The following DEAF1 variants were observed in gnomAD, a reference collection of about 807,000 sequenced individuals.
DEAF1 encodes the protein DEAF1 transcription factor, also known as deformed epidermal autoregulatory factor 1 homolog.
Under a neutral mutation model 58.9 loss-of-function variants are expected in DEAF1, and 53 were observed. The observed-to-expected ratio is 0.90, with a 90% CI of 0.72 to 1.13. DEAF1 has a LOEUF of 1.13. Ranked by LOEUF, DEAF1 falls within the 50% of genes most tolerant of loss-of-function variation. The pLI, the probability that DEAF1 is intolerant of heterozygous loss-of-function variation, is 0.00. For synonymous variants in DEAF1, 385 were observed against 340.4 expected (o/e 1.13, Z -1.44); for missense variants, 685 against 791.4 (o/e 0.87, Z 1.61).
chr11:660,012 C>G (rs1274644109), intron 10 of DEAF1, among the ~76,000 whole-genome samples: 1 of 152,220 alleles, frequency 6.6e-6, no homozygotes, highest in African/African-American at 2.4e-5. Context: ...GCTGTGCACC[C>G]TTGAGGTCTG....
chr11:674,454 G>C (rs11246258), intron 10 of DEAF1, 82 bp downstream of exon 10: 15 of 1,598,896 alleles, frequency 9.4e-6, no homozygotes, highest in Non-Finnish European at 1.1e-5. Context: ...CCAAGGTGGG[G>C]CTTGCGCAGC....
intron 6 of DEAF1, among the ~76,000 whole-genome samples, chr11:681,784 A>G (rs1222730688): frequency 6.6e-6 from 1 of 151,956 alleles, no homozygotes; most frequent in East Asian, 1.9e-4. Flanking sequence ...CAGACCTTCC[A>G]TGCAATCTCT....
At chr11:678,396 C>T (rs1860175733) in intron 9 of DEAF1, 1 of 388,254 alleles carries the variant, frequency 2.6e-6, no homozygotes, top group Non-Finnish European at 4.9e-6. Context: ...AAGAGGACAA[C>T]AGCAAACTCA....
intron 10 of DEAF1, among the ~76,000 whole-genome samples, chr11:656,843 T>C (rs558157067): frequency 6.6e-5 from 10 of 152,126 alleles, no homozygotes; most frequent in Admixed American, 1.3e-4. Flanking sequence ...CTTGGGCCTT[T>C]CGCGGTATGC....
At chr11:668,287 T>C (rs183431972) in intron 10 of DEAF1, among the ~76,000 whole-genome samples, 1 of 152,302 alleles carries the variant, frequency 6.6e-6, no homozygotes, top group Admixed American at 6.5e-5. Flanking sequence ...AAACAAGATT[T>C]GGACCACACT....
chr11:647,841 G>A (rs574376989), intron 11 of DEAF1, among the ~76,000 whole-genome samples: 35 of 150,578 alleles, frequency 2.3e-4, no homozygotes, highest in African/African-American at 5.6e-4. Context: ...TGACCCAGGC[G>A]GTGCTGGGAG....
At chr11:674,887 G>A (rs1859988505) in intron 9 of DEAF1, 104 bp from the exon 10 acceptor site, 5 of 1,505,666 alleles carry the variant, frequency 3.3e-6, no homozygotes, top group Admixed American at 1.7e-5. Flanking sequence ...GCTCACGCCT[G>A]TAATCCCAGC....
At chr11:700,588 T>G in intron 1 of DEAF1, 1 of 1,594,324 alleles carries the variant, frequency 6.3e-7, no homozygotes, top group Non-Finnish European at 8.6e-7. Context: ...AGGTTACTTA[T>G]GTTCCGTCCG....
chr11:668,682 C>T (rs965621523), intron 10 of DEAF1, among the ~76,000 whole-genome samples: 3 of 152,102 alleles, frequency 2.0e-5, no homozygotes, highest in African/African-American at 7.2e-5. Flanking sequence ...ATTAGCCAAG[C>T]ATGGTGGCAC....
intron 8 of DEAF1, among the ~76,000 whole-genome samples, chr11:679,434 C>T (rs557891535): frequency 6.6e-6 from 1 of 152,336 alleles, no homozygotes; most frequent in Non-Finnish European, 1.5e-5. Context: ...AAGCAGGAGC[C>T]GGCAGACAGA....
chr11:656,054 G>A (rs1260930738), intron 10 of DEAF1, among the ~76,000 whole-genome samples: 5 of 151,738 alleles, frequency 3.3e-5, no homozygotes, highest in Non-Finnish European at 5.9e-5. Flanking sequence ...GGCTGGTCTC[G>A]AGCTCCTGAC....
chr11:685,004 C>T, intron 5 of DEAF1, 41 bp from the exon 6 acceptor site: 2 of 1,479,820 alleles, frequency 1.4e-6, no homozygotes, highest in South Asian at 2.4e-5. Flanking sequence ...GCAAGTCAGC[C>T]CCTAAATGTC....
intron 7 of DEAF1, chr11:680,153 C>A (rs980847182): frequency 1.1e-5 from 4 of 360,316 alleles, no homozygotes; most frequent in African/African-American, 2.1e-5. Flanking sequence ...AAGAAAAAAT[C>A]TTTAATCCAA....
chr11:683,403 A>G (rs9328566), intron 6 of DEAF1, among the ~76,000 whole-genome samples: 107,617 of 152,012 alleles, frequency 0.71, 38,291 homozygotes, highest in East Asian at 0.93. Context: ...ACGTCCTGTC[A>G]CTCCAAGGCC....
chr11:688,797 A>C lies in DEAF1; in HGVS notation c.388-337T>G, dbSNP rs954670686. On this transcript the variant is annotated intron_variant, in intron 2 of 11. Coordinates refer to ENST00000382409, the MANE Select transcript of DEAF1 (RefSeq NM_021008.4). The surrounding 1 kb of genome is among the most constrained non-coding windows in gnomAD (Gnocchi z 4.3). ...GTCACCGTCTTCATGCAGAGTTTCC[A>C]ACAGACCGAGTTGGCCGCCACAGAC... 6.6e-6 allele frequency among the ~76,000 whole-genome samples: 1 copy of C among 152,124 alleles called. No individual in the cohort carries two copies. The highest frequency in any genetic ancestry group is 1.5e-5 in the Non-Finnish European group (1 of 68,008).
intron 11 of DEAF1, among the ~76,000 whole-genome samples, chr11:651,622 G>A (rs950995709): frequency 3.3e-5 from 5 of 152,088 alleles, no homozygotes; most frequent in African/African-American, 7.2e-5. Flanking sequence ...GGTGGCTCAC[G>A]CCTGTAATCC....
chr11:671,217 C>T (rs1024338955), intron 10 of DEAF1, among the ~76,000 whole-genome samples: 1 of 150,966 alleles, frequency 6.6e-6, no homozygotes, highest in East Asian at 2.0e-4. Flanking sequence ...CGTGAGCCAC[C>T]GCGCCTGGAC....
At chr11:691,413 G>T in intron 2 of DEAF1, 88 bp downstream of exon 2, 1 of 1,228,314 alleles carries the variant, frequency 8.1e-7, no homozygotes, top group Non-Finnish European at 1.2e-6. Flanking sequence ...TTCACACAGC[G>T]GGCTGAACCC....
At chr11:689,489 G>A (rs1467798757) in intron 2 of DEAF1, among the ~76,000 whole-genome samples, 2 of 152,056 alleles carry the variant, frequency 1.3e-5, no homozygotes, top group Non-Finnish European at 2.9e-5. Flanking sequence ...GGGATTACAG[G>A]CAGGAGCCAC....
Sources: allele counts gnomAD v4.1 joint callset (sites outside exome capture counted in the v4.1 genomes callset), GRCh38; gene constraint gnomAD v4.1.1; non-coding constraint Gnocchi (gnomAD v3.1); transcripts MANE v1.5; gene names NCBI Gene and HGNC (gene_info 2026-07-23, HGNC 2026-07-21).